Variants in BNC2 observed in about 807,000 individuals in gnomAD.
The protein encoded by BNC2 is zinc finger protein basonuclin-2.
A neutral mutation model predicts 76.3 loss-of-function variants in BNC2; 20 were observed. The ratio of observed to expected loss-of-function variants is 0.26; its 90% confidence interval spans 0.18 to 0.38. BNC2 has a LOEUF of 0.38. Among genes scored for constraint, BNC2 ranks in the 10% least tolerant of loss-of-function variants. The probability of loss-of-function intolerance (pLI) is 1.00; values close to 1 mark genes in which losing one functional copy is unlikely to be tolerated. For synonymous variants in BNC2, 582 were observed against 514.8 expected (o/e 1.13, Z -1.77); for missense variants, 1,382 against 1,399.8 (o/e 0.99, Z 0.20).
At chr9:16,458,766 T>C (rs1821510193) in intron 5 of BNC2, among the ~76,000 whole-genome samples, 1 of 152,254 alleles carries the variant, frequency 6.6e-6, no homozygotes, top group East Asian at 1.9e-4. Context: ...TACTGTTTAC[T>C]AAGCACTCAC....
chr9:16,780,567 C>A (rs1195637653), intron 1 of BNC2, among the ~76,000 whole-genome samples: 3 of 135,864 alleles, frequency 2.2e-5, no homozygotes, highest in African/African-American at 8.9e-5. Flanking sequence ...CAAGACTCCG[C>A]CTTAAAAAAA....
chr9:16,515,425 T>C (rs1449795965), intron 5 of BNC2, among the ~76,000 whole-genome samples: 1 of 152,170 alleles, frequency 6.6e-6, no homozygotes, highest in Non-Finnish European at 1.5e-5. Flanking sequence ...TTAGCGGAGC[T>C]TGGCTGGTGA....
At chr9:16,752,811 A>G (rs1160755508) in intron 1 of BNC2, among the ~76,000 whole-genome samples, 2 of 152,124 alleles carry the variant, frequency 1.3e-5, no homozygotes, top group African/African-American at 4.8e-5. Flanking sequence ...GGCACAGCCA[A>G]TGCTAAATGT....
At chr9:16,644,361 A>T (rs1821568074) in intron 3 of BNC2, among the ~76,000 whole-genome samples, 1 of 152,218 alleles carries the variant, frequency 6.6e-6, no homozygotes, top group Admixed American at 6.6e-5. Context: ...GTTTTGATTA[A>T]AATTTTTAAA....
chr9:16,669,331 C>T (rs942053757), intron 3 of BNC2, among the ~76,000 whole-genome samples: 1 of 152,144 alleles, frequency 6.6e-6, no homozygotes, highest in African/African-American at 2.4e-5. Flanking sequence ...TTCTATCACA[C>T]CCCCAGGTTA....
intron 2 of BNC2, among the ~76,000 whole-genome samples, chr9:16,736,881 A>T (rs4961739): frequency 0.9 from 136,921 of 151,514 alleles, 61,886 homozygotes; most frequent in Non-Finnish European, 0.91. Context: ...ATCTCGGCTC[A>T]CCGCAATCTC....
At chr9:16,625,410 G>A (rs1563869166) in intron 3 of BNC2, among the ~76,000 whole-genome samples, 1 of 152,114 alleles carries the variant, frequency 6.6e-6, no homozygotes, top group Non-Finnish European at 1.5e-5. Context: ...ATGAAAATGA[G>A]CCAATGATCA....
At chr9:16,546,638 G>C (rs1818491836) in intron 5 of BNC2, among the ~76,000 whole-genome samples, 1 of 152,134 alleles carries the variant, frequency 6.6e-6, no homozygotes, top group Non-Finnish European at 1.5e-5. Context: ...TCAGGAAATA[G>C]GCAAGAAAAG....
intron 3 of BNC2, among the ~76,000 whole-genome samples, chr9:16,653,916 C>T (rs1320170696): frequency 1.3e-5 from 2 of 152,052 alleles, no homozygotes; most frequent in African/African-American, 4.8e-5. Flanking sequence ...TTGCTTTTCG[C>T]CTCCCCCACT....
At chr9:16,444,294 C>G (rs1037378236) in intron 5 of BNC2, among the ~76,000 whole-genome samples, 1 of 152,120 alleles carries the variant, frequency 6.6e-6, no homozygotes, top group Non-Finnish European at 1.5e-5. Context: ...GGGGTACATG[C>G]TCACAAATTT....
rs150376812 is a variant in BNC2, at chr9:16,536,731, T to A, written c.669+15799A>T. On this transcript the variant is annotated intron_variant, in intron 5 of 6. Coordinates refer to ENST00000380672, the MANE Select transcript of BNC2 (RefSeq NM_017637.6). ...AGAGAAAATATAATAATCTTTCAGA[T>A]GAATCTTCGTATTTTTGCTCTTTCT... Among the ~76,000 whole-genome samples, 1,360 of 152,284 alleles carry A rather than the reference T, an allele frequency of 8.9e-3. 18 individuals are homozygous for A. Among genetic ancestry groups the A allele is most frequent in the African/African-American group, 0.031 (1,288 of 41,568 alleles).
chr9:16,622,842 C>T (rs1820900574), intron 3 of BNC2, among the ~76,000 whole-genome samples: 1 of 152,072 alleles, frequency 6.6e-6, no homozygotes, highest in Non-Finnish European at 1.5e-5. Flanking sequence ...ACAACAATTT[C>T]AGGTGACAAT....
intron 1 of BNC2, among the ~76,000 whole-genome samples, chr9:16,752,611 G>T (rs1825253626): frequency 1.9e-5 from 2 of 104,138 alleles, no homozygotes; most frequent in Admixed American, 1.7e-4. Context: ...CTCTCAAATT[G>T]CTAGATTTTT....
chr9:16,831,799 C>T (rs774027598), intron 1 of BNC2, among the ~76,000 whole-genome samples: 1 of 152,178 alleles, frequency 6.6e-6, no homozygotes, highest in African/African-American at 2.4e-5. Flanking sequence ...TTTTCTTAGA[C>T]AATGTCACAC....
chr9:16,663,128 C>CTTTTTTTTTTTTTTTTTTTTTTT (rs1220327938), intron 3 of BNC2, among the ~76,000 whole-genome samples: 3 of 51,650 alleles, frequency 5.8e-5, no homozygotes, highest in Admixed American at 1.5e-4. Flanking sequence ...ACTCTGTTTA[C>CTTTTTTTTTTTTTTTTTTTTTTT]TCTTTTTTTT....
intron 3 of BNC2, among the ~76,000 whole-genome samples, chr9:16,708,720 G>A (rs1213272854): frequency 6.6e-6 from 1 of 152,100 alleles, no homozygotes; most frequent in African/African-American, 2.4e-5. Flanking sequence ...GAGTCAGTAG[G>A]GAAAGGGAGA....
At chr9:16,794,900 G>GA (rs34778689) in intron 1 of BNC2, among the ~76,000 whole-genome samples, 30 of 149,194 alleles carry the variant, frequency 2.0e-4, no homozygotes, top group Non-Finnish European at 3.6e-4. Flanking sequence ...TCTGATGGGG[G>GA]AAAAAAAAAA....
intron 3 of BNC2, among the ~76,000 whole-genome samples, chr9:16,697,548 C>T (rs1823375704): frequency 6.6e-6 from 1 of 151,778 alleles, no homozygotes; most frequent in African/African-American, 2.4e-5. Context: ...ATAGCAAAAC[C>T]CCATCTCTAC....
At chr9:16,677,812 T>C (rs1266095001) in intron 3 of BNC2, among the ~76,000 whole-genome samples, 2 of 152,194 alleles carry the variant, frequency 1.3e-5, no homozygotes, top group Non-Finnish European at 2.9e-5. Flanking sequence ...TCAATGAGTA[T>C]TCTGCATTCC....
Sources: gnomAD v4.1 joint callset for allele counts (sites outside exome capture counted in the v4.1 genomes callset) on GRCh38, gnomAD v4.1.1 for gene constraint, MANE v1.5 for transcripts, NCBI Gene and HGNC (gene_info 2026-07-23, HGNC 2026-07-21) for gene names.